Variants in SGK1 observed in about 807,000 individuals in gnomAD.
The protein encoded by SGK1 is serine/threonine-protein kinase Sgk1.
A neutral mutation model predicts 64.2 loss-of-function variants in SGK1; 26 were observed. The observed-to-expected ratio is 0.40, with a 90% confidence interval of 0.30 to 0.56. The LOEUF (loss-of-function observed/expected upper bound fraction) is 0.56, where lower values mean the gene tolerates loss of function less well. Among genes scored for constraint, SGK1 ranks in the 20% least tolerant of loss-of-function variants. The pLI, the probability that SGK1 is intolerant of heterozygous loss-of-function variation, is 0.38. For missense variants in SGK1, 519 were observed against 645.6 expected, an observed-to-expected ratio of 0.80 and a Z score of 2.12; for synonymous variants, 265 against 239.7, an observed-to-expected ratio of 1.11 and a Z score of -0.98.
In SGK1 at chr6:134,170,484, C is replaced by T. The variant is rs755012865; in HGVS notation, c.1414-49G>A. The T allele has an allele frequency of 1.9e-6, 3 of 1,541,972 alleles. No homozygotes were observed. The South Asian group carries it at 3.5e-5, about 18-fold the overall frequency. ...TCTTGTCAAGAACTCACACTAGACA[C>T]AGGACAGGGAAATCTTGACCAGGCT... On this transcript the variant is annotated intron_variant, in intron 13 of 13. Transcript: ENST00000367858.
In SGK1 at chr6:134,232,447, G is replaced by GAAAGAAAGAAAGAA. The variant is rs1562259761; in HGVS notation, c.286-25030_286-25017dup. ...AGAAAGAAAGAAAGAAAGAAAGAAAGAAAGAAAGAAAGAAAGAAAGAAAGA... is the reference window on the plus strand; with the variant it reads ...AGAAAGAAAGAAAGAAAGAAAGAAAGAAAGAAAGAAAGAAAAAGAAAGAAAGAAAGAAAGAAAGA... On this transcript the variant is annotated intron_variant, in intron 2 of 13. Transcript: ENST00000367858. 6.0e-4 allele frequency among the ~76,000 whole-genome samples: 21 copies of GAAAGAAAGAAAGAA among 34,972 alleles called. 1 individual carries two copies. Among genetic ancestry groups the GAAAGAAAGAAAGAA allele is most frequent in the Admixed American group, 4.1e-3 (15 of 3,692 alleles). The allele number at this position is 34,972 out of a possible 152,430, so 22.9% of individuals were successfully genotyped here. A position where few individuals can be genotyped will look rare whatever the true frequency, so the allele number is the denominator to read the frequency against.
chr6:134,227,280 G>A (rs976890980), intron 2 of SGK1, among the ~76,000 whole-genome samples: 8 of 152,060 alleles, frequency 5.3e-5, no homozygotes, highest in African/African-American at 9.7e-5. Context: ...GATTACAGGC[G>A]TCCACTACCA....
intron 2 of SGK1, among the ~76,000 whole-genome samples, chr6:134,215,441 T>G (rs1775963870): frequency 6.6e-6 from 1 of 152,034 alleles, no homozygotes; most frequent in Admixed American, 6.6e-5. Flanking sequence ...ATAGTTCTAC[T>G]GATGTCAGAA....
At chr6:134,206,216 C>G (rs1365280594) in intron 3 of SGK1, among the ~76,000 whole-genome samples, 1 of 151,334 alleles carries the variant, frequency 6.6e-6, no homozygotes, top group African/African-American at 2.4e-5. Flanking sequence ...AGAAAACAAA[C>G]TTGGACTCAT....
At chr6:134,236,813 C>G (rs867737917) in intron 2 of SGK1, among the ~76,000 whole-genome samples, 19 of 150,094 alleles carry the variant, frequency 1.3e-4, no homozygotes, top group Admixed American at 4.6e-4. Flanking sequence ...TGGTTTGCTA[C>G]CTGTTGAGCT....
intron 1 of SGK1, among the ~76,000 whole-genome samples, chr6:134,301,572 TCTTCTCTTCTCTTCC>T (rs1307229062): frequency 8.2e-5 from 12 of 145,758 alleles, no homozygotes; most frequent in South Asian, 2.1e-4. Flanking sequence ...TCTTCTCTTC[TCTTCTCTTCTCTTCC>T]CTTCTCTTCT....
chr6:134,211,250 T>A (rs752908642), intron 2 of SGK1, among the ~76,000 whole-genome samples: 3 of 152,226 alleles, frequency 2.0e-5, no homozygotes, highest in Non-Finnish European at 4.4e-5. Context: ...AGACATTTGA[T>A]ACATAAATAT....
intron 3 of SGK1, among the ~76,000 whole-genome samples, chr6:134,194,149 A>T (rs1775561014): frequency 6.6e-6 from 1 of 151,982 alleles, no homozygotes; most frequent in South Asian, 2.1e-4. Context: ...CTTTACACAG[A>T]CTGTGGCCCC....
chr6:134,218,033 G>T (rs1233673336), intron 2 of SGK1, among the ~76,000 whole-genome samples: 5 of 152,164 alleles, frequency 3.3e-5, no homozygotes, highest in African/African-American at 1.2e-4. Flanking sequence ...AAGATATTCA[G>T]GTCAAATGTC....
At chr6:134,171,289 A>C in intron 11 of SGK1, 111 bp from the exon 12 acceptor site, 2 of 983,830 alleles carry the variant, frequency 2.0e-6, no homozygotes, top group Non-Finnish European at 3.1e-6. Flanking sequence ...GATTTGAGAA[A>C]CTCTCCCCAC....
At chr6:134,305,873 T>C (rs1021744870) in intron 1 of SGK1, among the ~76,000 whole-genome samples, 1 of 152,202 alleles carries the variant, frequency 6.6e-6, no homozygotes, top group Non-Finnish European at 1.5e-5. Flanking sequence ...AATTTCTATA[T>C]GAGTTTTCAG....
chr6:134,286,504 CG>C (rs1777186028), intron 1 of SGK1, among the ~76,000 whole-genome samples: 1 of 139,728 alleles, frequency 7.2e-6, no homozygotes, highest in African/African-American at 2.7e-5. Flanking sequence ...TTTTTTGAGA[CG>C]GAGTCTCGCT....
At chr6:134,298,346 T>A (rs1354572358) in intron 1 of SGK1, 2 of 1,559,008 alleles carry the variant, frequency 1.3e-6, no homozygotes, top group East Asian at 4.5e-5. Context: ...GTCTCTAGCA[T>A]CTTGTTCTGC....
chr6:134,253,178 A>G (rs1454710133), intron 2 of SGK1, among the ~76,000 whole-genome samples: 1 of 152,238 alleles, frequency 6.6e-6, no homozygotes. Flanking sequence ...GAAATGCTGA[A>G]CAAGAGACAT....
rs1582677668 is a variant in SGK1, at chr6:134,170,277, A to G, written c.1572T>C (p.Ser524=). Residue 524 remains serine, a synonymous_variant, in exon 14 of 14, where the codon TCT becomes TCC. Transcript: ENST00000367858. ...CAAGCCCTAACAGGGTTCAGAGGAA[A>G]GAGTCCGTGGGAGGCGCATAGGAAA... ...LGFSYAPPTD[S]FL is the part of the protein sequence containing the mutation. 2 of 1,611,550 alleles carry G rather than the reference A, an allele frequency of 1.2e-6. No individual in the cohort carries two copies. Among genetic ancestry groups the G allele is most frequent in the African/African-American group, 1.3e-5 (1 of 75,008 alleles).
chr6:134,312,140 C>T (rs1777617925), intron 1 of SGK1, among the ~76,000 whole-genome samples: 1 of 152,190 alleles, frequency 6.6e-6, no homozygotes. Context: ...CTGGCTATAC[C>T]TCTTCCTAGG....
chr6:134,317,063 C>G (rs1166063118), intron 1 of SGK1, among the ~76,000 whole-genome samples: 3 of 152,140 alleles, frequency 2.0e-5, no homozygotes, highest in Non-Finnish European at 2.9e-5. Flanking sequence ...AAATTACTAG[C>G]CATAATTGTA....
chr6:134,174,253 G>A (rs2114639036), intron 4 of SGK1, 173 bp from the exon 5 acceptor site: 1 of 608,228 alleles, frequency 1.6e-6, no homozygotes, highest in East Asian at 2.8e-5. Flanking sequence ...ATTAAATACA[G>A]AAATAAGGAT....
intron 2 of SGK1, among the ~76,000 whole-genome samples, chr6:134,219,630 CAT>C (rs1466231024): frequency 4.7e-5 from 7 of 149,044 alleles, no homozygotes; most frequent in South Asian, 2.1e-4. Context: ...CGTAGTGGCG[CAT>C]GCCTGTAATC....
Sources: gnomAD v4.1 joint callset for allele counts (sites outside exome capture counted in the v4.1 genomes callset) on GRCh38, gnomAD v4.1.1 for gene constraint, MANE v1.5 for transcripts, NCBI Gene and HGNC (gene_info 2026-07-23, HGNC 2026-07-21) for gene names.